Variants in RUFY3 observed in about 807,000 individuals in gnomAD.
RUFY3 encodes protein RUFY3.
RUFY3 carries 34 observed loss-of-function variants against 84.0 expected under a neutral mutation model. The observed-to-expected ratio is 0.40, with a 90% CI of 0.31 to 0.54. The LOEUF is 0.54. Among genes scored for constraint, RUFY3 ranks in the 20% least tolerant of loss-of-function variants. The pLI, the probability that RUFY3 is intolerant of heterozygous loss-of-function variation, is 0.39. For synonymous variants in RUFY3, 242 were observed against 252.9 expected (o/e 0.96, Z 0.41); for missense variants, 507 against 736.8 (o/e 0.69, Z 3.61).
intron 16 of RUFY3, among the ~76,000 whole-genome samples, chr4:70,803,598 G>T (rs1326143965): frequency 6.6e-6 from 1 of 151,918 alleles, no homozygotes; most frequent in East Asian, 1.9e-4. Flanking sequence ...GGGCTGCAGA[G>T]ATTAGGTTTC....
At chr4:70,774,509 G>C (rs1380056828) in intron 6 of RUFY3, among the ~76,000 whole-genome samples, 4 of 147,430 alleles carry the variant, frequency 2.7e-5, no homozygotes. Flanking sequence ...CAGCTACTTG[G>C]GAGGCTGAGG....
exon 1 of RUFY3, chr4:70,704,892 A>C: frequency 5.2e-6 from 6 of 1,151,466 alleles, no homozygotes; most frequent in Non-Finnish European, 6.5e-6. Context: ...TCCCCCGCCC[A>C]GGCCCGGGCG....
Position 70,778,329 on chromosome 4 carries a change from G to A in RUFY3, c.825-40G>A, listed in dbSNP as rs370464267. 5.4e-6 allele frequency: 6 copies of A among 1,113,344 alleles called. No individual in the cohort carries two copies. The African/African-American group carries it at 7.8e-5, about 14-fold the overall frequency. The allele number at this position is 1,113,344 out of a possible 1,614,324, so 69.0% of individuals were successfully genotyped here. On this transcript the variant is annotated intron_variant, in intron 7 of 17. Transcript: ENST00000381006. The stretch of plus-strand genomic sequence containing the variant: ...AAAAGGAAGGTACAGAGTATTGTCT[G>A]TTTTTCAAAAGTGACTTTTTTTTCT...
chr4:70,806,367 C>A, intron 17 of RUFY3, 149 bp from the exon 18 acceptor site: 1 of 847,962 alleles, frequency 1.2e-6, no homozygotes, highest in South Asian at 1.9e-5. Context: ...GTAGATTGGG[C>A]CTGTGTTCAG....
chr4:70,715,103 A>T (rs1410883392), intron 1 of RUFY3, among the ~76,000 whole-genome samples: 1 of 152,220 alleles, frequency 6.6e-6, no homozygotes, highest in East Asian at 1.9e-4. Context: ...TGAAGTGTAT[A>T]AACTTAAAAT....
intron 8 of RUFY3, 33 bp downstream of exon 8, chr4:70,778,471 G>T (rs1728331578): frequency 8.5e-7 from 1 of 1,172,824 alleles, no homozygotes; most frequent in South Asian, 1.2e-5. Flanking sequence ...TTGACTTATA[G>T]AATTTAATAT....
At chr4:70,711,137 A>T (rs1182506463) in intron 1 of RUFY3, among the ~76,000 whole-genome samples, 1 of 149,892 alleles carries the variant, frequency 6.7e-6, no homozygotes, top group Non-Finnish European at 1.5e-5. Flanking sequence ...CAATTTTTTT[A>T]AAAAAGAGAT....
intron 10 of RUFY3, among the ~76,000 whole-genome samples, chr4:70,786,847 T>G (rs1020534173): frequency 6.6e-6 from 1 of 151,890 alleles, no homozygotes; most frequent in African/African-American, 2.4e-5. Context: ...TCTTTAAGAA[T>G]AAGGAGGAGC....
intron 10 of RUFY3, 64 bp from the exon 11 acceptor site, chr4:70,788,742 A>G: frequency 6.5e-7 from 1 of 1,547,172 alleles, no homozygotes; most frequent in Non-Finnish European, 8.8e-7. Context: ...TTCCTGTGAA[A>G]TATTATGGTT....
intron 13 of RUFY3, 136 bp from the exon 14 acceptor site, chr4:70,794,659 A>C: frequency 1.5e-6 from 1 of 666,676 alleles, no homozygotes; most frequent in East Asian, 2.7e-5. Context: ...TTATCATTTA[A>C]AAACCTGTCT....
At chr4:70,783,834 T>C (rs1437149594) in intron 9 of RUFY3, among the ~76,000 whole-genome samples, 1 of 152,202 alleles carries the variant, frequency 6.6e-6, no homozygotes, top group East Asian at 1.9e-4. Flanking sequence ...CCGATTTCTG[T>C]GGATGGTTTT....
intron 1 of RUFY3, among the ~76,000 whole-genome samples, chr4:70,746,667 C>CT (rs1293577791): frequency 1.3e-5 from 2 of 152,176 alleles, no homozygotes; most frequent in East Asian, 3.9e-4. Context: ...AGGAAAGTGA[C>CT]ACATACAGAG....
chr4:70,767,365 C>G (rs1328599733), intron 4 of RUFY3, among the ~76,000 whole-genome samples: 1 of 149,368 alleles, frequency 6.7e-6, no homozygotes, highest in Admixed American at 6.7e-5. Context: ...CCGCCTTGAC[C>G]TCCCAAAGTG....
chr4:70,747,509 A>AC (rs2148663335), intron 1 of RUFY3, among the ~76,000 whole-genome samples: 1 of 152,144 alleles, frequency 6.6e-6, no homozygotes, highest in South Asian at 2.1e-4. Flanking sequence ...CAAAAAAAAA[A>AC]AAACAAATTC....
chr4:70,721,534 CTTTTT>C (rs1742299506), upstream of RUFY3, among the ~76,000 whole-genome samples: 2 of 151,682 alleles, frequency 1.3e-5, no homozygotes, highest in Admixed American at 1.3e-4. Flanking sequence ...TTTAGCTTTT[CTTTTT>C]ATCTTTTTGT....
intron 17 of RUFY3, among the ~76,000 whole-genome samples, chr4:70,805,350 T>A (rs1264460886): frequency 6.6e-6 from 1 of 152,210 alleles, no homozygotes; most frequent in East Asian, 1.9e-4. Context: ...AAGGAAGTAT[T>A]CAGAAAGAAT....
chr4:70,783,822 C>A (rs1489651953), intron 9 of RUFY3, among the ~76,000 whole-genome samples: 1 of 152,170 alleles, frequency 6.6e-6, no homozygotes, highest in Non-Finnish European at 1.5e-5. Context: ...CTTAAATATT[C>A]CCCGATTTCT....
At chr4:70,793,116 G>A in intron 12 of RUFY3, 2 of 985,348 alleles carry the variant, frequency 2.0e-6, no homozygotes, top group Non-Finnish European at 2.4e-6. Context: ...GAATCTTCTG[G>A]AGAATATGGT....
chr4:70,778,134 T>C (rs1217460754), intron 7 of RUFY3, among the ~76,000 whole-genome samples: 1 of 152,058 alleles, frequency 6.6e-6, no homozygotes, highest in Non-Finnish European at 1.5e-5. Flanking sequence ...CTTGGGAGAC[T>C]GAGGCAAGAG....
Sources: gnomAD v4.1 joint callset for allele counts (sites outside exome capture counted in the v4.1 genomes callset) on GRCh38, gnomAD v4.1.1 for gene constraint, MANE v1.5 for transcripts, NCBI Gene and HGNC (gene_info 2026-07-23, HGNC 2026-07-21) for gene names.